The following CLRN1 variants were observed in gnomAD, a reference collection of about 807,000 sequenced individuals.
The protein encoded by CLRN1 is clarin-1.
CLRN1 carries 15 observed loss-of-function variants against 18.7 expected under a neutral mutation model. The observed-to-expected ratio is 0.80, with a 90% CI of 0.54 to 1.23. The LOEUF (loss-of-function observed/expected upper bound fraction) is 1.23, where lower values mean the gene tolerates loss of function less well. CLRN1 is among the 50% of genes most tolerant of loss of function. The probability of loss-of-function intolerance (pLI) is 0.00; values close to 1 mark genes in which losing one functional copy is unlikely to be tolerated. For synonymous variants in CLRN1, 104 were observed against 102.9 expected (o/e 1.01, Z -0.07); for missense variants, 311 against 277.5 (o/e 1.12, Z -0.86).
rs78506499 is a variant in CLRN1, at chr3:150,968,308, A to G, written c.253+4148T>C. Among the ~76,000 whole-genome samples, 967 of 152,346 alleles carry G rather than the reference A, an allele frequency of 6.3e-3. 9 individuals carry two copies. The highest frequency in any genetic ancestry group is 0.022 in the African/African-American group (918 of 41,572). On this transcript the variant is annotated intron_variant, in intron 1 of 2. Coordinates refer to ENST00000327047, the MANE Select transcript of CLRN1 (RefSeq NM_174878.3). ...TGATGGCTACATTTAGAGTTTAAACATCATCATTAAAATTTTACAGGTGAC... is the reference window on the plus strand; with the variant it reads ...TGATGGCTACATTTAGAGTTTAAACGTCATCATTAAAATTTTACAGGTGAC...
intron 1 of CLRN1, among the ~76,000 whole-genome samples, chr3:150,964,288 C>T (rs1715166702): frequency 6.6e-6 from 1 of 151,978 alleles, no homozygotes; most frequent in Non-Finnish European, 1.5e-5. Context: ...TTTATACGGC[C>T]AACAAACATG....
chr3:150,966,254 C>A (rs1715253817), intron 1 of CLRN1, among the ~76,000 whole-genome samples: 1 of 152,218 alleles, frequency 6.6e-6, no homozygotes, highest in East Asian at 1.9e-4. Context: ...GTCAAGGCTG[C>A]AGTGAGCTGT....
chr3:150,963,247 A>C (rs1715112697), intron 1 of CLRN1, among the ~76,000 whole-genome samples: 1 of 152,224 alleles, frequency 6.6e-6, no homozygotes, highest in Non-Finnish European at 1.5e-5. Context: ...TGCAAAAATC[A>C]CAAGCATTCC....
At chr3:150,955,231 G>T (rs1025939956) in intron 1 of CLRN1, among the ~76,000 whole-genome samples, 2 of 152,206 alleles carry the variant, frequency 1.3e-5, no homozygotes, top group East Asian at 1.9e-4. Context: ...TTGCCAAGGG[G>T]TTGGGGGTAG....
Position 150,927,854 on chromosome 3 carries a change from A to G in CLRN1, c.*82T>C, listed in dbSNP as rs1559976364. 2 of 1,509,168 alleles carry G rather than the reference A, an allele frequency of 1.3e-6. No homozygotes were observed. Among genetic ancestry groups the G allele is most frequent in the Non-Finnish European group, 9.2e-7 (1 of 1,086,996 alleles). 93.5% of individuals were successfully genotyped at this position (1,509,168 alleles called of 1,614,324 possible). A position where few individuals can be genotyped will look rare whatever the true frequency, so the allele number is the denominator to read the frequency against. The stretch of plus-strand genomic sequence containing the variant: ...CCTGATGCTTTAATATATGCAGACT[A>G]AAAGGATATGCAAAATTAACCACAT... On this transcript the variant is annotated 3_prime_UTR_variant, in exon 3 of 3. Transcript: ENST00000327047.
At position 150,972,476 on chromosome 3, in the gene CLRN1, G is replaced by A; in HGVS notation, c.233C>T (p.Ala78Val). 6.2e-7 allele frequency: 1 copy of A among 1,614,128 alleles called. No homozygotes were observed. The highest frequency in any genetic ancestry group is 2.2e-5 in the East Asian group (1 of 44,876). ...CTTACATGAGAACCGAAAGGGCCTTGCTCCCAACCCACACTGCCTCACACC... is the reference window on the plus strand; with the variant it reads ...CTTACATGAGAACCGAAAGGGCCTTACTCCCAACCCACACTGCCTCACACC... ...GEGVRQCGLG[A>V]RPFRFSFFPD... Residue 78 changes from alanine to valine, a missense_variant, in exon 1 of 3, where the codon GCA becomes GTA. Physicochemically the swap from Ala to Val is moderately conservative, Grantham distance 64 (BLOSUM62 0). Transcript: ENST00000327047.
Position 150,927,375 on chromosome 3 carries a change from T to A in CLRN1, c.*561A>T, listed in dbSNP as rs1389717756. 2 of 440,022 alleles carry A rather than the reference T, an allele frequency of 4.5e-6. No individual in the cohort carries two copies. The highest frequency in any genetic ancestry group is 3.3e-5 in the South Asian group (2 of 60,266). The allele number at this position is 440,022 out of a possible 1,614,324, so 27.3% of individuals were successfully genotyped here. A position where few individuals can be genotyped will look rare whatever the true frequency, so the allele number is the denominator to read the frequency against. ...CCTGAACTCAAATGATCTTCCCACC[T>A]TGGCCTCCTGAAGTGCTGGAATTAC... On this transcript the variant is annotated 3_prime_UTR_variant, in exon 3 of 3. Transcript: ENST00000327047.
At chr3:150,952,045 T>A (rs984520751) in intron 1 of CLRN1, among the ~76,000 whole-genome samples, 8 of 152,154 alleles carry the variant, frequency 5.3e-5, no homozygotes, top group African/African-American at 1.7e-4. Flanking sequence ...AATGTGGATG[T>A]TAAAGGTCGC....
intron 2 of CLRN1, among the ~76,000 whole-genome samples, chr3:150,929,172 C>A (rs1712993415): frequency 6.6e-6 from 1 of 152,174 alleles, no homozygotes; most frequent in Non-Finnish European, 1.5e-5. Flanking sequence ...TCATCTATCA[C>A]TCATTGGTAG....
At chr3:150,968,941 G>A (rs1447335616) in intron 1 of CLRN1, among the ~76,000 whole-genome samples, 4 of 151,744 alleles carry the variant, frequency 2.6e-5, no homozygotes, top group East Asian at 1.9e-4. Flanking sequence ...CCACCCCCGC[G>A]TCTCTGTACA....
intron 1 of CLRN1, 107 bp downstream of exon 1, chr3:150,972,349 T>G: frequency 6.9e-7 from 1 of 1,452,502 alleles, no homozygotes. Flanking sequence ...CACACCGATT[T>G]AAAAAGTCCT....
At position 150,941,711 on chromosome 3, in the gene CLRN1, T is replaced by C. The variant is rs1713855900; in HGVS notation, c.304A>G (p.Ile102Val). The C allele has an allele frequency of 6.2e-7, 1 of 1,613,940 alleles. No homozygotes were observed. The highest frequency in any genetic ancestry group is 1.3e-5 in the African/African-American group (1 of 74,926). Residue 102 changes from isoleucine to valine, a missense_variant, in exon 2 of 3, where the codon ATT becomes GTT. Physicochemically the swap from Ile to Val is conservative, Grantham distance 29 (BLOSUM62 3). Coordinates refer to ENST00000327047, the MANE Select transcript of CLRN1 (RefSeq NM_174878.3). ...AIPVSIHVNV[I>V]LFSAILIVLT... is the part of the protein sequence containing the mutation. ...ACAATAAGGATGGCAGAGAAGAGAATGACATTGACGTGGATGCTCACTGGG... is the reference window on the plus strand; with the variant it reads ...ACAATAAGGATGGCAGAGAAGAGAACGACATTGACGTGGATGCTCACTGGG...
rs113507511 is a variant in CLRN1, at chr3:150,937,289, C to G, written c.433+4293G>C. On this transcript the variant is annotated intron_variant, in intron 2 of 2. Transcript: ENST00000327047. Reference sequence around the variant, plus strand: ...GCTCCGTGAAGACAGCATTGTGTGCCTGATTCACTGTGGGATCACCAGTGC... The same window carrying G: ...GCTCCGTGAAGACAGCATTGTGTGCGTGATTCACTGTGGGATCACCAGTGC... 2.9e-3 allele frequency among the ~76,000 whole-genome samples: 449 copies of G among 152,256 alleles called. 3 individuals are homozygous for G. Among genetic ancestry groups the G allele is most frequent in the African/African-American group, 1.0e-2 (415 of 41,550 alleles).
chr3:150,969,442 T>C lies in CLRN1; in HGVS notation c.253+3014A>G, dbSNP rs552793987. On this transcript the variant is annotated intron_variant, in intron 1 of 2. Transcript: ENST00000327047. ...CCCGGGTTCGTGCCATTCTCCTGCC[T>C]CAGCCTCCCAAGTAGCTGGGACTAC... Among the ~76,000 whole-genome samples, 251 of 145,862 alleles carry C rather than the reference T, an allele frequency of 1.7e-3. 1 individual carries two copies. Among genetic ancestry groups the C allele is most frequent in the African/African-American group, 6.0e-3 (236 of 39,618 alleles).
At chr3:150,962,347 T>C (rs1715076362) in intron 1 of CLRN1, among the ~76,000 whole-genome samples, 1 of 152,226 alleles carries the variant, frequency 6.6e-6, no homozygotes, top group South Asian at 2.1e-4. Context: ...CATGATGAGA[T>C]GACAGGCAAA....
Position 150,926,605 on chromosome 3 carries a change from G to A in CLRN1, c.*1331C>T, listed in dbSNP as rs763746069. ...TCGGTGTGTTCTGATGTCTGCTGGC[G>A]AATAGCGAATTGACACCAGAGCAAG... On this transcript the variant is annotated 3_prime_UTR_variant, in exon 3 of 3. Transcript: ENST00000327047. The A allele has an allele frequency of 7.2e-5, 50 of 691,292 alleles. No individual in the cohort carries two copies. The highest frequency in any genetic ancestry group is 3.7e-4 in the Admixed American group (18 of 48,604). 42.8% of individuals were successfully genotyped at this position (691,292 alleles called of 1,614,324 possible).
At chr3:150,965,476 C>A (rs1476995659) in intron 1 of CLRN1, among the ~76,000 whole-genome samples, 1 of 152,040 alleles carries the variant, frequency 6.6e-6, no homozygotes, top group Non-Finnish European at 1.5e-5. Flanking sequence ...TACTGATATA[C>A]TTTTATGATT....
At chr3:150,941,444 C>T (rs1272678470) in intron 2 of CLRN1, 138 bp downstream of exon 2, 4 of 880,114 alleles carry the variant, frequency 4.5e-6, no homozygotes, top group East Asian at 2.7e-5. Context: ...GGTATTTCCA[C>T]ACTTTTTGTT....
chr3:150,940,607 A>G, intron 2 of CLRN1: 1 of 1,274,152 alleles, frequency 7.8e-7, no homozygotes, highest in East Asian at 2.6e-5. Context: ...TCCCTCCATG[A>G]AACCATCAAT....
Sources: allele counts gnomAD v4.1 joint callset (sites outside exome capture counted in the v4.1 genomes callset), GRCh38; gene constraint gnomAD v4.1.1; transcripts MANE v1.5; gene names NCBI Gene and HGNC (gene_info 2026-07-23, HGNC 2026-07-21).